VAMP2: variants seen among roughly 807,000 people sequenced by gnomAD.
VAMP2 encodes the protein vesicle-associated membrane protein 2.
For missense variants in VAMP2, 95 were observed against 151.3 expected, an observed-to-expected ratio of 0.63 and a Z score of 1.95; for synonymous variants, 67 against 57.3, an observed-to-expected ratio of 1.17 and a Z score of -0.76.
chr17:8,162,055 G>A (rs968802196), intron 2 of VAMP2, among the ~76,000 whole-genome samples, 194 bp downstream of exon 2: 3 of 152,182 alleles, frequency 2.0e-5, no homozygotes, highest in Admixed American at 6.5e-5. Flanking sequence ...CACACCCCAG[G>A]CTAGCAAAGC....
intron 4 of VAMP2, 159 bp from the exon 5 acceptor site, chr17:8,161,030 G>C (rs939235937): frequency 9.8e-6 from 6 of 612,218 alleles, no homozygotes; most frequent in Admixed American, 2.9e-5. Context: ...ACAAAGCAAG[G>C]GGCTAGACAG....
At chr17:8,160,920 G>C in intron 4 of VAMP2, 49 bp from the exon 5 acceptor site, 1 of 1,510,738 alleles carries the variant, frequency 6.6e-7, no homozygotes, top group Non-Finnish European at 9.2e-7. Context: ...GGGAGAGAAA[G>C]AGAGAGAACA....
At chr17:8,162,128 T>C (rs112329057) in intron 2 of VAMP2, 121 bp downstream of exon 2, 2 of 1,422,330 alleles carry the variant, frequency 1.4e-6, no homozygotes, top group Non-Finnish European at 1.9e-6. Flanking sequence ...TGGGGCATGG[T>C]ATCTTTGTCC....
At chr17:8,162,103 A>G in intron 2 of VAMP2, 146 bp downstream of exon 2, 1 of 1,338,584 alleles carries the variant, frequency 7.5e-7, no homozygotes, top group Non-Finnish European at 1.0e-6. Context: ...GTGCGTGCTG[A>G]CAGGGAGACA....
At chr17:8,160,920 G>A in intron 4 of VAMP2, 49 bp from the exon 5 acceptor site, 1 of 1,510,750 alleles carries the variant, frequency 6.6e-7, no homozygotes, top group Non-Finnish European at 9.2e-7. Context: ...GGGAGAGAAA[G>A]AGAGAGAACA....
intron 1 of VAMP2, 96 bp from the exon 2 acceptor site, chr17:8,162,465 GTCC>G (rs150206004): frequency 0.017 from 26,005 of 1,558,350 alleles, 283 homozygotes; most frequent in Middle Eastern, 0.04. Context: ...CGTCCCTCCA[GTCC>G]TCCTTTTCGG....
chr17:8,160,380 G>GTTGTTTTTTTTTTT lies in VAMP2; in HGVS notation c.*474_*475insAAAAAAAAAAACAA, dbSNP rs1983260313. ...TAAGGAAGCCTGGACAGGTGCTGTT[G>GTTGTTTTTTTTTTT]TTTTTTTTTTTTTTTTTTTTTTTTT... On this transcript the variant is annotated 3_prime_UTR_variant, in exon 5 of 5. Transcript: ENST00000316509. 1.4e-4 allele frequency: 5 copies of GTTGTTTTTTTTTTT among 35,108 alleles called. No homozygotes were observed. Among genetic ancestry groups the GTTGTTTTTTTTTTT allele is most frequent in the South Asian group, 1.9e-3 (1 of 520 alleles). 2.2% of individuals were successfully genotyped at this position (35,108 alleles called of 1,614,324 possible).
chr17:8,161,361 T>C (rs530157589), intron 4 of VAMP2, 112 bp downstream of exon 4: 229 of 1,425,726 alleles, frequency 1.6e-4, no homozygotes, highest in Middle Eastern at 2.4e-4. Flanking sequence ...CATTAGCAGC[T>C]ATATGTGTTT....
chr17:8,162,181 TGGGC>T, intron 2 of VAMP2, 64 bp downstream of exon 2: 1 of 1,487,734 alleles, frequency 6.7e-7, no homozygotes, highest in Non-Finnish European at 8.9e-7. Context: ...CAAACCAACA[TGGGC>T]CCCTACACCT....
chr17:8,161,815 G>C lies in VAMP2; in HGVS notation c.124-49C>G, dbSNP rs111658939. ...GGGGGGTGTGCCAAGGCCCACCTCA[G>C]TGAGGGCAATCCTCAAACATGTGCC... On this transcript the variant is annotated intron_variant, in intron 2 of 4. Coordinates refer to ENST00000316509, the MANE Select transcript of VAMP2 (RefSeq NM_014232.3). 629 of 1,591,870 alleles carry C rather than the reference G, an allele frequency of 4.0e-4. 1 individual carries two copies. The African/African-American group carries it at 7.5e-3, about 19-fold the overall frequency.
chr17:8,162,436 C>T (rs1251562949), intron 1 of VAMP2, 67 bp from the exon 2 acceptor site: 1 of 1,585,536 alleles, frequency 6.3e-7, no homozygotes, highest in South Asian at 1.1e-5. Flanking sequence ...AGGGCTCCGC[C>T]CATCCACCTG....
rs373792421 is a variant in VAMP2 at position 8,161,779 on chromosome 17, C to A, written c.124-13G>T. On this transcript the variant is annotated splice_polypyrimidine_tract_variant and intron_variant, in intron 2 of 4. Transcript: ENST00000316509. ...TGATGTCCACCACCTGGGAGAAGGG[C>A]CCACGAGGCAGGGGGGTGTGCCAAG... The A allele has an allele frequency of 6.2e-7, 1 of 1,609,722 alleles. No homozygotes were observed. Among genetic ancestry groups the A allele is most frequent in the African/African-American group, 1.3e-5 (1 of 74,880 alleles).
chr17:8,160,769 G>GGC lies in VAMP2; in HGVS notation c.*84_*85dup. ...ACACACACGGATCCAGGGGAGTGGGGGCTGAAAGATATGGCTGAGAGGTGG... is the reference window on the plus strand; with the variant it reads ...ACACACACGGATCCAGGGGAGTGGGGGCGCTGAAAGATATGGCTGAGAGGTGG... On this transcript the variant is annotated 3_prime_UTR_variant, in exon 5 of 5. Transcript: ENST00000316509. 4 of 1,498,776 alleles carry GGC rather than the reference G, an allele frequency of 2.7e-6. No individual in the cohort carries two copies. Among genetic ancestry groups the GGC allele is most frequent in the Non-Finnish European group, 3.6e-6 (4 of 1,098,312 alleles). The allele number at this position is 1,498,776 out of a possible 1,614,324, so 92.8% of individuals were successfully genotyped here.
chr17:8,162,516 A>C, intron 1 of VAMP2, 147 bp from the exon 2 acceptor site: 1 of 1,525,312 alleles, frequency 6.6e-7, no homozygotes, highest in Non-Finnish European at 8.8e-7. Context: ...GTCTCGGTCC[A>C]GCCCTGCCGC....
rs1015666641 is a variant in VAMP2 at position 8,159,271 on chromosome 17, A to C, written c.*1584T>G. Reference sequence around the variant, plus strand: ...GGATAATATGGGGGGTCTAAAACACAGCACCCCCACCTCCAGCATCTCTCC... The same window carrying C: ...GGATAATATGGGGGGTCTAAAACACCGCACCCCCACCTCCAGCATCTCTCC... On this transcript the variant is annotated 3_prime_UTR_variant, in exon 5 of 5. Transcript: ENST00000316509. 1.3e-5 allele frequency: 2 copies of C among 152,012 alleles called. No individual in the cohort carries two copies. Among genetic ancestry groups the C allele is most frequent in the African/African-American group, 4.8e-5 (2 of 41,344 alleles). The allele number at this position is 152,012 out of a possible 1,614,324, so 9.4% of individuals were successfully genotyped here.
At chr17:8,160,990 C>T in intron 4 of VAMP2, 119 bp from the exon 5 acceptor site, 1 of 870,344 alleles carries the variant, frequency 1.1e-6, no homozygotes, top group Non-Finnish European at 1.8e-6. Context: ...AGCTGGCTGA[C>T]ACCCTCTCTT....
intron 2 of VAMP2, 27 bp downstream of exon 2, chr17:8,162,222 A>T: frequency 6.6e-7 from 1 of 1,509,870 alleles, no homozygotes; most frequent in Non-Finnish European, 8.8e-7. Flanking sequence ...GGTCCCTCCT[A>T]CTGCTTTTGA....
In VAMP2 at chr17:8,160,765, T is replaced by G. The variant is rs1061032; in HGVS notation, c.*90A>C. The G allele has an allele frequency of 0.88, 1,258,831 of 1,430,568 alleles. 558,735 individuals carry two copies. Among genetic ancestry groups the G allele is most frequent in the Non-Finnish European group, 0.91 (950,280 of 1,043,364 alleles). 88.6% of individuals were successfully genotyped at this position (1,430,568 alleles called of 1,614,324 possible). A position where few individuals can be genotyped will look rare whatever the true frequency, so the allele number is the denominator to read the frequency against. On this transcript the variant is annotated 3_prime_UTR_variant, in exon 5 of 5. Coordinates refer to ENST00000316509, the MANE Select transcript of VAMP2 (RefSeq NM_014232.3). ...ACACACACACACGGATCCAGGGGAG[T>G]GGGGGCTGAAAGATATGGCTGAGAG...
At position 8,162,419 on chromosome 17, in the gene VAMP2, C is replaced by G. The variant is rs1258447610; in HGVS notation, c.3-50G>C. ...CCCAGGGCCTGCAGCCTCCCGGCCC[C>G]GCAGCCAGGGCTCCGCCCATCCACC... On this transcript the variant is annotated intron_variant, in intron 1 of 4. Coordinates refer to ENST00000316509, the MANE Select transcript of VAMP2 (RefSeq NM_014232.3). 4 of 1,599,624 alleles carry G rather than the reference C, an allele frequency of 2.5e-6. No individual in the cohort carries two copies. In the East Asian group the frequency reaches 9.1e-5, roughly 36 times the overall value.
Sources: allele counts gnomAD v4.1 joint callset (sites outside exome capture counted in the v4.1 genomes callset), GRCh38; gene constraint gnomAD v4.1.1; transcripts MANE v1.5; gene names NCBI Gene and HGNC (gene_info 2026-07-23, HGNC 2026-07-21).